The following OAS2 variants were observed in gnomAD, a reference collection of about 807,000 sequenced individuals.
OAS2 encodes the protein 2'-5'-oligoadenylate synthetase 2, also known as 2'-5'-oligoadenylate synthase 2.
In OAS2, 67 loss-of-function variants were observed where a neutral mutation model predicts 71.3. The observed-to-expected ratio is 0.94, with a 90% confidence interval of 0.77 to 1.15. OAS2 has a LOEUF of 1.15. Among genes scored for constraint, OAS2 ranks in the 50% most tolerant of loss-of-function variants. The pLI, the probability that OAS2 is intolerant of heterozygous loss-of-function variation, is 0.00. For missense variants in OAS2, 789 were observed against 822.5 expected (o/e 0.96, Z 0.50); for synonymous variants, 327 against 321.8 (o/e 1.02, Z -0.17).
intron 5 of OAS2, among the ~76,000 whole-genome samples, chr12:113,000,553 C>G (rs866834543): frequency 6.6e-6 from 1 of 151,282 alleles, no homozygotes; most frequent in African/African-American, 2.4e-5. Flanking sequence ...CACACATGTA[C>G]TCACACCATG....
intron 1 of OAS2, among the ~76,000 whole-genome samples, chr12:112,979,851 A>G (rs2044063601): frequency 6.6e-6 from 1 of 152,176 alleles, no homozygotes; most frequent in Non-Finnish European, 1.5e-5. Flanking sequence ...AACGTTTTAC[A>G]ATTATAGGGT....
chr12:113,005,089 G>C lies in OAS2; in HGVS notation c.1335G>C (p.Glu445Asp). Residue 445 changes from glutamate (E) to aspartate (D), a missense_variant, in exon 7 of 10, where the codon GAG (glutamate) becomes GAC (aspartate). Physicochemically the swap from Glu to Asp is conservative, Grantham distance 45. Transcript: ENST00000392583. ...IHEQLKAFWR[E>D]KEEELEVSFE... The stretch of plus-strand genomic sequence containing the variant: ...AACAGCTGAAAGCCTTTTGGAGGGA[G>C]AAGGAGGAGGAGCTTGAAGTCAGCT... 6.2e-7 allele frequency: 1 copy of C among 1,614,172 alleles called. No homozygotes were observed. The highest frequency in any genetic ancestry group is 8.5e-7 in the Non-Finnish European group (1 of 1,180,018).
chr12:113,009,145 T>G lies in OAS2; in HGVS notation c.1954T>G (p.Cys652Gly). ...TGACGTGGGTGGAGGGGACCGTTGG[T>G]GTTGGCATCTTCTGGCAAAAGAAGC... ...TGDVGGGDRW[C>G]WHLLAKEAKE... Residue 652 changes from cysteine (C) to glycine (G), a missense_variant, in exon 10 of 10, where the codon TGT becomes GGT. Physicochemically the swap from Cys to Gly is radical, Grantham distance 159. Coordinates refer to ENST00000392583, the MANE Select transcript of OAS2 (RefSeq NM_002535.3). The G allele has an allele frequency of 6.2e-7, 1 of 1,613,994 alleles. No individual in the cohort carries two copies. Among genetic ancestry groups the G allele is most frequent in the Non-Finnish European group, 8.5e-7 (1 of 1,179,976 alleles).
In OAS2 at chr12:112,997,750, A is replaced by G. The variant is rs2044249063; in HGVS notation, c.858A>G (p.Ser286=). The G allele has an allele frequency of 6.3e-7, 1 of 1,582,510 alleles. No homozygotes were observed. The highest frequency in any genetic ancestry group is 1.3e-5 in the African/African-American group (1 of 74,346). The part of the protein sequence containing the change: ...IRNILLHQLQ[S]ARPVILDPVD... ...ACATCCTGCTGCACCAGCTCCAATC[A>G]GCGAGGTGCCAAGCTTCTCACACCC... Residue 286 remains serine, a synonymous_variant, in exon 4 of 10, where the codon TCA becomes TCG. Coordinates refer to ENST00000392583, the MANE Select transcript of OAS2 (RefSeq NM_002535.3).
intron 1 of OAS2, among the ~76,000 whole-genome samples, chr12:112,986,599 C>T (rs1028976235): frequency 6.6e-6 from 1 of 152,160 alleles, no homozygotes; most frequent in Admixed American, 6.5e-5. Context: ...CTCCTGGCCC[C>T]TGGGCAGCAC....
At chr12:112,997,885 G>T in intron 4 of OAS2, 130 bp downstream of exon 4, 1 of 744,574 alleles carries the variant, frequency 1.3e-6, no homozygotes, top group African/African-American at 1.8e-5. Context: ...CACCATGGGT[G>T]GGGAGGCAGA....
chr12:112,991,541 C>G lies in OAS2; in HGVS notation c.449-3755C>G, dbSNP rs555045717. 3.3e-5 allele frequency among the ~76,000 whole-genome samples: 5 copies of G among 152,292 alleles called. No individual in the cohort carries two copies. In the East Asian group the frequency reaches 9.6e-4, roughly 29 times the overall value. On this transcript the variant is annotated intron_variant, in intron 2 of 9. Transcript: ENST00000392583. ...TTCACTCCGGAAAGGCGGGACAACT[C>G]GAAGCAAAGTGGGACAATTCAAAGT... is the stretch of plus-strand genomic sequence containing the variant.
chr12:112,987,847 G>T lies in OAS2; in HGVS notation c.448+539G>T, dbSNP rs894547232. The T allele has an allele frequency of 5.1e-6, 5 of 986,242 alleles. No homozygotes were observed. The African/African-American group carries it at 7.0e-5, about 14-fold the overall frequency. 61.1% of individuals were successfully genotyped at this position (986,242 alleles called of 1,614,324 possible). On this transcript the variant is annotated intron_variant, in intron 2 of 9. Coordinates refer to ENST00000392583, the MANE Select transcript of OAS2 (RefSeq NM_002535.3). ...TAGATAACTATCAAAGCTTGAGGGG[G>T]TGCCTTGAACCCAACTCCTAAATCC...
intron 7 of OAS2, 129 bp downstream of exon 7, chr12:113,005,351 G>T: frequency 1.2e-6 from 1 of 851,026 alleles, no homozygotes; most frequent in South Asian, 1.7e-5. Flanking sequence ...AGTGGCATTA[G>T]TCATGGCAGT....
chr12:113,009,483 T>C lies in OAS2; in HGVS notation c.*228T>C. 7.9e-7 allele frequency: 1 copy of C among 1,264,740 alleles called. No homozygotes were observed. 78.3% of individuals were successfully genotyped at this position (1,264,740 alleles called of 1,614,324 possible). A position where few individuals can be genotyped will look rare whatever the true frequency, so the allele number is the denominator to read the frequency against. ...GCATCCCTAGTCTCTACCCAGTAGATGCCACTAGCCCTCCTCTCCCAGTGA... is the reference window on the plus strand; with the variant it reads ...GCATCCCTAGTCTCTACCCAGTAGACGCCACTAGCCCTCCTCTCCCAGTGA... On this transcript the variant is annotated 3_prime_UTR_variant, in exon 10 of 10. Transcript: ENST00000392583.
chr12:112,998,517 T>C, intron 5 of OAS2, 107 bp downstream of exon 5: 1 of 1,256,070 alleles, frequency 8.0e-7, no homozygotes, highest in Admixed American at 2.5e-5. Flanking sequence ...CCTGTATTGC[T>C]GTTACAAAGT....
chr12:112,992,773 G>C (rs541272281), intron 2 of OAS2, among the ~76,000 whole-genome samples: 1 of 152,216 alleles, frequency 6.6e-6, no homozygotes, highest in East Asian at 1.9e-4. Flanking sequence ...AGTCAGACTA[G>C]AAACTAGATT....
Position 113,005,223 on chromosome 12 carries a change from G to A in OAS2, c.1468+1G>A, listed in dbSNP as rs191441900. On this transcript the variant is annotated splice_donor_variant, in intron 7 of 9. Coordinates refer to ENST00000392583, the MANE Select transcript of OAS2 (RefSeq NM_002535.3). LOFTEE classifies it high-confidence loss of function. Reference sequence around the variant, plus strand: ...GTGCTTCCTGCCTTTAATGCACTGGGTAAGGCTCCCCAGACCTTAGCTTGG... The same window carrying A: ...GTGCTTCCTGCCTTTAATGCACTGGATAAGGCTCCCCAGACCTTAGCTTGG... The A allele has an allele frequency of 2.5e-6, 4 of 1,610,936 alleles. No individual in the cohort carries two copies. The African/African-American group carries it at 4.0e-5, about 16-fold the overall frequency.
intron 1 of OAS2, among the ~76,000 whole-genome samples, chr12:112,984,613 T>C (rs566537689): frequency 9.9e-4 from 151 of 152,352 alleles, no homozygotes; most frequent in Non-Finnish European, 1.7e-3. Context: ...CATTTTGTTA[T>C]TTGTTTTGAT....
At chr12:112,997,931 C>A (rs980934499) in intron 4 of OAS2, among the ~76,000 whole-genome samples, 176 bp downstream of exon 4, 10 of 152,330 alleles carry the variant, frequency 6.6e-5, no homozygotes, top group Non-Finnish European at 1.3e-4. Flanking sequence ...CCAGCCAGTG[C>A]TTTTCACATT....
rs555162695 is a variant in OAS2, at chr12:113,010,289, T to TC, written c.*1040dup. ...CAATAGTTACCTTCCCAGATACAGG[T>TC]CCCCCCTTTTTTCCCCTAACTCTTT... On this transcript the variant is annotated 3_prime_UTR_variant, in exon 10 of 10. Coordinates refer to ENST00000392583, the MANE Select transcript of OAS2 (RefSeq NM_002535.3). The TC allele has an allele frequency of 1.5e-5, 23 of 1,505,406 alleles. No homozygotes were observed. The African/African-American group carries it at 2.0e-4, about 13-fold the overall frequency. 93.3% of individuals were successfully genotyped at this position (1,505,406 alleles called of 1,614,324 possible).
At chr12:112,986,512 G>A (rs1354366267) in intron 1 of OAS2, among the ~76,000 whole-genome samples, 1 of 152,188 alleles carries the variant, frequency 6.6e-6, no homozygotes, top group African/African-American at 2.4e-5. Context: ...GTCACTAGTG[G>A]CAGGCAGAGT....
At chr12:112,993,517 G>T (rs1408265441) in intron 2 of OAS2, among the ~76,000 whole-genome samples, 1 of 152,164 alleles carries the variant, frequency 6.6e-6, no homozygotes, top group African/African-American at 2.4e-5. Flanking sequence ...CCATGCCTAG[G>T]GAGTCAGTAA....
In OAS2 at chr12:112,997,666, G is replaced by A; in HGVS notation, c.774G>A (p.Gln258=). 6.2e-7 allele frequency: 1 copy of A among 1,614,076 alleles called. No individual in the cohort carries two copies. Among genetic ancestry groups the A allele is most frequent in the East Asian group, 2.2e-5 (1 of 44,862 alleles). ...CCGTACTGGAGCTGATCAAATGCCA[G>A]GAGAAGCTGTGTATCTATTGGATGG... ...VRTVLELIKC[Q]EKLCIYWMVN... Residue 258 remains glutamine (Q), a synonymous_variant, in exon 4 of 10, where the codon CAG becomes CAA. Transcript: ENST00000392583.
Sources: allele counts gnomAD v4.1 joint callset (sites outside exome capture counted in the v4.1 genomes callset), GRCh38; gene constraint gnomAD v4.1.1; transcripts MANE v1.5; gene names NCBI Gene and HGNC (gene_info 2026-07-23, HGNC 2026-07-21).